The following DPEP1 variants were observed in gnomAD, a reference collection of about 807,000 sequenced individuals.
The protein encoded by DPEP1 is beta-lactamase.
DPEP1 carries 50 observed loss-of-function variants against 42.3 expected under a neutral mutation model. The observed-to-expected ratio is 1.18, with a 90% CI of 0.94 to 1.50. The LOEUF (loss-of-function observed/expected upper bound fraction) is 1.50, where lower values mean the gene tolerates loss of function less well. Among genes scored for constraint, DPEP1 ranks in the 40% most tolerant of loss-of-function variants. DPEP1 has a pLI of 0.00. For missense variants in DPEP1, 663 were observed against 553.0 expected (o/e 1.20, Z -1.99); for synonymous variants, 297 against 234.0 (o/e 1.27, Z -2.46).
At chr16:89,635,855 C>G (rs2059670573) in intron 2 of DPEP1, 53 bp from the exon 3 acceptor site, 2 of 1,545,612 alleles carry the variant, frequency 1.3e-6, no homozygotes, top group South Asian at 2.5e-5. Context: ...CTCGGAAGCC[C>G]CCAGGTCCCA....
chr16:89,618,449 C>G (rs892769198), intron 1 of DPEP1, among the ~76,000 whole-genome samples: 1 of 152,182 alleles, frequency 6.6e-6, no homozygotes, highest in Non-Finnish European at 1.5e-5. Flanking sequence ...AACTCCTGGC[C>G]TCAAGCGATC....
chr16:89,636,210 G>C (rs1037533515), intron 3 of DPEP1, 54 bp from the exon 4 acceptor site: 4 of 1,574,016 alleles, frequency 2.5e-6, no homozygotes, highest in East Asian at 4.6e-5. Flanking sequence ...AGGCATGCGG[G>C]GGGTGGGCTG....
chr16:89,633,672 T>A (rs914746569), intron 2 of DPEP1, among the ~76,000 whole-genome samples: 1 of 151,808 alleles, frequency 6.6e-6, no homozygotes, highest in African/African-American at 2.4e-5. Context: ...GAGGGAGCTG[T>A]CCTCAAGGAG....
intron 1 of DPEP1, among the ~76,000 whole-genome samples, chr16:89,614,435 C>T (rs1465836865): frequency 6.6e-6 from 1 of 152,202 alleles, no homozygotes; most frequent in Non-Finnish European, 1.5e-5. Flanking sequence ...TCCCGCCCAG[C>T]TAAGAGCAGG....
chr16:89,617,525 G>C (rs1403319072), intron 1 of DPEP1, among the ~76,000 whole-genome samples: 2 of 151,996 alleles, frequency 1.3e-5, no homozygotes, highest in Non-Finnish European at 2.9e-5. Context: ...AAGGACAGGA[G>C]CCCACACCTG....
chr16:89,622,535 C>G (rs1161846523), intron 1 of DPEP1, among the ~76,000 whole-genome samples: 1 of 152,142 alleles, frequency 6.6e-6, no homozygotes, highest in Non-Finnish European at 1.5e-5. Context: ...CCTGTAATCC[C>G]AGCACTTTGG....
intron 1 of DPEP1, chr16:89,620,912 AG>A (rs1470976482): frequency 6.6e-6 from 1 of 152,312 alleles, no homozygotes; most frequent in African/African-American, 2.4e-5. Context: ...ACCGTCAGCG[AG>A]GGAGAACCTC....
At chr16:89,625,890 A>G (rs164741) in intron 1 of DPEP1, among the ~76,000 whole-genome samples, 96,613 of 152,048 alleles carry the variant, frequency 0.64, 31,813 homozygotes, top group Middle Eastern at 0.83. Context: ...GCCCTTGAAC[A>G]GTGGTCGTGA....
intron 1 of DPEP1, among the ~76,000 whole-genome samples, chr16:89,614,727 G>A (rs537208044): frequency 1.8e-4 from 28 of 152,338 alleles, no homozygotes; most frequent in East Asian, 7.7e-4. Context: ...CCCGGGAGGC[G>A]GAGGTTGCGG....
intron 5 of DPEP1, 22 bp from the exon 6 acceptor site, chr16:89,636,844 C>T (rs753364255): frequency 4.3e-6 from 7 of 1,611,996 alleles, no homozygotes; most frequent in Non-Finnish European, 5.9e-6. Context: ...ACCTCTTGGG[C>T]ACCTGCCTTT....
Position 89,637,368 on chromosome 16 carries a change from C to A in DPEP1, c.756C>A (p.Val252=), listed in dbSNP as rs1271670095. Residue 252 remains valine (V), a synonymous_variant, in exon 7 of 11, where the codon GTC becomes GTA. Transcript: ENST00000690203. The part of the protein sequence containing the change: ...CASRRNVPDD[V]LRLVKQTDSL... ...GCCGGCGCAACGTGCCTGACGACGT[C>A]CTGAGGCTGGTGGTGAGGGCCGAGG... 6.2e-7 allele frequency: 1 copy of A among 1,612,352 alleles called. No homozygotes were observed. The highest frequency in any genetic ancestry group is 2.2e-5 in the East Asian group (1 of 44,884).
intron 1 of DPEP1, among the ~76,000 whole-genome samples, chr16:89,628,252 C>CTTTTTTTTTT (rs60909664): frequency 2.6e-5 from 2 of 75,524 alleles, no homozygotes; most frequent in East Asian, 2.3e-4. Context: ...TCTTTCTTTT[C>CTTTTTTTTTT]TTTCTTTTTT....
intron 1 of DPEP1, among the ~76,000 whole-genome samples, 156 bp downstream of exon 1, chr16:89,613,875 G>GCA (rs2059354331): frequency 1.4e-5 from 2 of 147,486 alleles, no homozygotes; most frequent in East Asian, 3.9e-4. Context: ...GGAGGCTGAG[G>GCA]CCAGGTGTGT....
chr16:89,625,631 A>G (rs937541714), intron 1 of DPEP1, among the ~76,000 whole-genome samples: 1 of 152,166 alleles, frequency 6.6e-6, no homozygotes, highest in Admixed American at 6.5e-5. Context: ...CAGAGTCCAG[A>G]GCTTGGAAGA....
Position 89,638,111 on chromosome 16 carries a change from C to T in DPEP1, c.1125C>T (p.Gly375=). The T allele has an allele frequency of 6.2e-7, 1 of 1,612,354 alleles. No homozygotes were observed. The highest frequency in any genetic ancestry group is 1.1e-5 in the South Asian group (1 of 91,086). Residue 375 remains glycine (G), a synonymous_variant, in exon 11 of 11, where the codon GGC becomes GGT. Coordinates refer to ENST00000690203, the MANE Select transcript of DPEP1 (RefSeq NM_001389466.1). Reference sequence around the variant, plus strand: ...CCATCCCGCTGGACCAGCTGGGTGGCTCCTGCAGGACCCATTACGGCTACT... The same window carrying T: ...CCATCCCGCTGGACCAGCTGGGTGGTTCCTGCAGGACCCATTACGGCTACT... The part of the protein sequence containing the change: ...EEPIPLDQLG[G]SCRTHYGYSS...
chr16:89,637,434 C>A (rs758820934), intron 7 of DPEP1, 34 bp from the exon 8 acceptor site: 243 of 1,612,688 alleles, frequency 1.5e-4, no homozygotes, highest in Non-Finnish European at 1.9e-4. Context: ...GCCCTCCCAG[C>A]TCTCAGCTTC....
chr16:89,631,142 G>A (rs1215139458), intron 2 of DPEP1, among the ~76,000 whole-genome samples: 1 of 152,056 alleles, frequency 6.6e-6, no homozygotes, highest in Non-Finnish European at 1.5e-5. Context: ...GCATCTTTTT[G>A]GCTCTCTTCC....
intron 1 of DPEP1, 112 bp from the exon 2 acceptor site, chr16:89,630,193 A>C (rs996767171): frequency 2.4e-6 from 1 of 410,364 alleles, no homozygotes; most frequent in Non-Finnish European, 4.4e-6. Flanking sequence ...CTTCCATCCT[A>C]CCCACCCTGG....
chr16:89,632,587 C>T (rs1227290087), intron 2 of DPEP1, among the ~76,000 whole-genome samples: 2 of 152,192 alleles, frequency 1.3e-5, no homozygotes, highest in African/African-American at 4.8e-5. Flanking sequence ...TTCCAGCACT[C>T]CTTGGAGCAG....
Sources: gnomAD v4.1 joint callset for allele counts (sites outside exome capture counted in the v4.1 genomes callset) on GRCh38, gnomAD v4.1.1 for gene constraint, MANE v1.5 for transcripts, NCBI Gene and HGNC (gene_info 2026-07-23, HGNC 2026-07-21) for gene names.